Variants in CCDC178 observed in about 807,000 individuals in gnomAD.
The protein encoded by CCDC178 is coiled-coil domain-containing protein 178.
CCDC178 carries 126 observed loss-of-function variants against 117.4 expected under a neutral mutation model. The observed-to-expected ratio is 1.07, with a 90% CI of 0.93 to 1.24. The LOEUF (loss-of-function observed/expected upper bound fraction) is 1.24. CCDC178 is among the 50% of genes most tolerant of loss of function. The pLI is 0.00. For synonymous variants in CCDC178, 283 were observed against 313.4 expected (o/e 0.90, Z 1.02); for missense variants, 1,030 against 986.9 (o/e 1.04, Z -0.59).
chr18:33,318,567 A>C (rs954473991), intron 11 of CCDC178, among the ~76,000 whole-genome samples: 4 of 152,242 alleles, frequency 2.6e-5, no homozygotes, highest in Non-Finnish European at 5.9e-5. Context: ...ATATATGTTT[A>C]ATTTGAGCAC....
At chr18:33,314,208 A>C (rs1456330580) in intron 11 of CCDC178, among the ~76,000 whole-genome samples, 1 of 75,990 alleles carries the variant, frequency 1.3e-5, no homozygotes, top group East Asian at 7.1e-4. Flanking sequence ...CTCAAAAAAA[A>C]AAAAAAAAAA....
intron 22 of CCDC178, among the ~76,000 whole-genome samples, chr18:32,963,807 T>A (rs1022108100): frequency 6.6e-6 from 1 of 151,984 alleles, no homozygotes; most frequent in Non-Finnish European, 1.5e-5. Context: ...AGACAGAGAG[T>A]ATGTCTTCTA....
intron 2 of CCDC178, among the ~76,000 whole-genome samples, chr18:33,414,773 A>T (rs1280719022): frequency 6.6e-6 from 1 of 152,194 alleles, no homozygotes; most frequent in Non-Finnish European, 1.5e-5. Context: ...AACCTACAGA[A>T]TGGGAGAAAA....
At chr18:33,002,747 G>A (rs552598580) in intron 21 of CCDC178, among the ~76,000 whole-genome samples, 1 of 151,900 alleles carries the variant, frequency 6.6e-6, no homozygotes, top group East Asian at 1.9e-4. Context: ...AAAAGTTGGT[G>A]TTTTGAAAAG....
chr18:33,373,561 A>G (rs982791831), intron 5 of CCDC178, among the ~76,000 whole-genome samples: 28 of 152,294 alleles, frequency 1.8e-4, no homozygotes, highest in Admixed American at 5.2e-4. Context: ...ATTAAGATCC[A>G]TCTTACAAGG....
intron 21 of CCDC178, among the ~76,000 whole-genome samples, chr18:33,033,222 A>C (rs1334730234): frequency 6.6e-6 from 1 of 152,130 alleles, no homozygotes; most frequent in African/African-American, 2.4e-5. Flanking sequence ...CCTTGAAAAA[A>C]ATTTAATTTA....
intron 18 of CCDC178, among the ~76,000 whole-genome samples, chr18:33,217,719 A>G (rs930458905): frequency 1.3e-5 from 2 of 151,998 alleles, no homozygotes; most frequent in African/African-American, 4.8e-5. Context: ...CTAGTAGTGC[A>G]TATACTTTTT....
chr18:33,073,330 T>G (rs1182026164), intron 21 of CCDC178, among the ~76,000 whole-genome samples: 1 of 152,036 alleles, frequency 6.6e-6, no homozygotes, highest in African/African-American at 2.4e-5. Context: ...TTATACGATG[T>G]GAAAATACCT....
intron 2 of CCDC178, among the ~76,000 whole-genome samples, chr18:33,429,631 A>C (rs1053707361): frequency 6.6e-6 from 1 of 152,210 alleles, no homozygotes; most frequent in Non-Finnish European, 1.5e-5. Context: ...GTCTTTGAGA[A>C]AGGAAAGCAT....
chr18:33,193,219 C>T (rs1278940539), intron 20 of CCDC178, among the ~76,000 whole-genome samples: 3 of 138,904 alleles, frequency 2.2e-5, no homozygotes, highest in African/African-American at 8.2e-5. Context: ...GCCGAGATCG[C>T]GCCACTGCAC....
intron 5 of CCDC178, among the ~76,000 whole-genome samples, chr18:33,383,113 G>T (rs1258893138): frequency 1.3e-5 from 2 of 152,190 alleles, no homozygotes; most frequent in Non-Finnish European, 2.9e-5. Context: ...CCACAGTGCA[G>T]CAAAGCAGCT....
intron 21 of CCDC178, 65 bp from the exon 22 acceptor site, chr18:32,974,746 C>A (rs533623752): frequency 6.7e-7 from 1 of 1,502,112 alleles, no homozygotes; most frequent in Admixed American, 1.8e-5. Flanking sequence ...TGGCAGTGTT[C>A]AAGAAGAATG....
intron 21 of CCDC178, among the ~76,000 whole-genome samples, chr18:33,084,381 T>G (rs555145516): frequency 6.6e-6 from 1 of 152,180 alleles, no homozygotes; most frequent in Non-Finnish European, 1.5e-5. Flanking sequence ...ATCTGTAAAA[T>G]TTTACAGGTT....
intron 21 of CCDC178, among the ~76,000 whole-genome samples, chr18:33,037,688 T>C (rs1260720497): frequency 6.6e-6 from 1 of 151,890 alleles, no homozygotes; most frequent in African/African-American, 2.4e-5. Flanking sequence ...CTCAACTTCC[T>C]TTCCTTCTTC....
At chr18:33,220,305 C>G (rs1168931638) in intron 18 of CCDC178, among the ~76,000 whole-genome samples, 1 of 152,016 alleles carries the variant, frequency 6.6e-6, no homozygotes, top group Non-Finnish European at 1.5e-5. Flanking sequence ...TTATGACTCA[C>G]AGTAGCAATA....
At chr18:33,308,765 T>A (rs1217868078) in intron 11 of CCDC178, among the ~76,000 whole-genome samples, 3 of 152,146 alleles carry the variant, frequency 2.0e-5, no homozygotes, top group Non-Finnish European at 4.4e-5. Context: ...TCTCACAAGA[T>A]CTAATGGTTT....
Position 33,226,856 on chromosome 18 carries a change from C to T in CCDC178, c.1594-1G>A, listed in dbSNP as rs893519257. ...GTTTTTTCAGGAATTCTTCTCTACC[C>T]TATATGTTAGGAAATTTTTAAAATG... On this transcript the variant is annotated splice_acceptor_variant, in intron 15 of 22. Transcript: ENST00000383096. LOFTEE classifies it high-confidence loss of function. 2.7e-5 allele frequency: 41 copies of T among 1,541,306 alleles called. No homozygotes were observed. The highest frequency in any genetic ancestry group is 3.3e-5 in the Non-Finnish European group (38 of 1,139,434).
rs578189613 is a variant in CCDC178, at chr18:33,225,321, G to A, written c.1657-385C>T. On this transcript the variant is annotated intron_variant, in intron 16 of 22. Transcript: ENST00000383096. ...GGAATTACAGGCCTGTACCATGCCC[G>A]GCTAATTTTTGTATTTTTAATAGAT... Among the ~76,000 whole-genome samples the A allele has an allele frequency of 1.2e-3, 184 of 151,814 alleles. 1 individual carries two copies. Among genetic ancestry groups the A allele is most frequent in the African/African-American group, 4.1e-3 (170 of 41,404 alleles).
chr18:33,116,030 T>C (rs1457444303), intron 20 of CCDC178, among the ~76,000 whole-genome samples: 1 of 152,116 alleles, frequency 6.6e-6, no homozygotes, highest in African/African-American at 2.4e-5. Flanking sequence ...TCCTAATTTT[T>C]TCTGATAGTT....
Sources: allele counts gnomAD v4.1 joint callset (sites outside exome capture counted in the v4.1 genomes callset), GRCh38; gene constraint gnomAD v4.1.1; transcripts MANE v1.5; gene names NCBI Gene and HGNC (gene_info 2026-07-23, HGNC 2026-07-21).